The following SAMTOR variants were observed in gnomAD, a reference collection of about 807,000 sequenced individuals.
SAMTOR encodes UPF0532 protein C7orf60.
At chr7:112,924,918 CA>C in the SAMTOR span, among the ~76,000 whole-genome samples, 2 of 151,396 alleles carry the variant, frequency 1.3e-5, no homozygotes, top group Non-Finnish European at 2.9e-5. Flanking sequence ...ATTCATAAAA[CA>C]CAAGTCCAAG....
the SAMTOR span, among the ~76,000 whole-genome samples, chr7:112,908,195 T>C: frequency 6.6e-5 from 10 of 152,312 alleles, no homozygotes; most frequent in African/African-American, 1.4e-4. Context: ...AACATTTACA[T>C]TGGTAGACTA....
chr7:112,844,339 C>G, the SAMTOR span, among the ~76,000 whole-genome samples: 1 of 151,924 alleles, frequency 6.6e-6, no homozygotes, highest in African/African-American at 2.4e-5. Context: ...TCAAACCATC[C>G]CTATTTGCTG....
chr7:112,933,249 G>A, the SAMTOR span, among the ~76,000 whole-genome samples: 1 of 152,196 alleles, frequency 6.6e-6, no homozygotes, highest in Non-Finnish European at 1.5e-5. Flanking sequence ...ATCGTCAAAT[G>A]TGAACAATGT....
the SAMTOR span, among the ~76,000 whole-genome samples, chr7:112,850,218 C>A: frequency 2.1e-3 from 302 of 145,706 alleles, no homozygotes; most frequent in African/African-American, 7.1e-3. Flanking sequence ...ACAACAACAA[C>A]AAAAAAAACC....
the SAMTOR span, among the ~76,000 whole-genome samples, chr7:112,926,601 G>C: frequency 1.3e-5 from 2 of 152,184 alleles, no homozygotes; most frequent in Non-Finnish European, 2.9e-5. Flanking sequence ...ACTGAAAATT[G>C]ATGTGATTCA....
At chr7:112,873,514 G>A in the SAMTOR span, among the ~76,000 whole-genome samples, 1 of 152,134 alleles carries the variant, frequency 6.6e-6, no homozygotes, top group African/African-American at 2.4e-5. Flanking sequence ...CTACCCACAT[G>A]CAGAAGAATG....
the SAMTOR span, among the ~76,000 whole-genome samples, chr7:112,855,262 T>C: frequency 6.6e-6 from 1 of 152,224 alleles, no homozygotes. Flanking sequence ...TGGAAATATA[T>C]ACTATGAATG....
At chr7:112,847,719 G>A in the SAMTOR span, among the ~76,000 whole-genome samples, 8 of 151,864 alleles carry the variant, frequency 5.3e-5, no homozygotes, top group East Asian at 1.9e-4. Flanking sequence ...CGGAGGTTGC[G>A]GTGAGCCAAG....
the SAMTOR span, among the ~76,000 whole-genome samples, chr7:112,855,414 T>C: frequency 2.0e-5 from 3 of 152,184 alleles, no homozygotes; most frequent in Non-Finnish European, 4.4e-5. Flanking sequence ...TTTTAGACTC[T>C]AATAAAGCTG....
chr7:112,930,864 C>G, the SAMTOR span, among the ~76,000 whole-genome samples: 2 of 152,136 alleles, frequency 1.3e-5, no homozygotes, highest in African/African-American at 4.8e-5. Context: ...ACACAACAAA[C>G]CTGGTAGTCA....
the SAMTOR span, among the ~76,000 whole-genome samples, chr7:112,849,039 A>G: frequency 1.4e-5 from 2 of 140,232 alleles, no homozygotes; most frequent in African/African-American, 5.9e-5. Context: ...ACAGAGCAAG[A>G]CTCCATCTAA....
At chr7:112,842,397 C>T in the SAMTOR span, among the ~76,000 whole-genome samples, 12 of 151,956 alleles carry the variant, frequency 7.9e-5, no homozygotes, top group African/African-American at 2.7e-4. Context: ...TAAAAGCCAA[C>T]ACTCAAGTTT....
the SAMTOR span, among the ~76,000 whole-genome samples, chr7:112,917,443 T>C: frequency 1.3e-5 from 2 of 152,034 alleles, no homozygotes; most frequent in African/African-American, 2.4e-5. Flanking sequence ...CAAAAACCCA[T>C]CTGTACATCA....
the SAMTOR span, among the ~76,000 whole-genome samples, chr7:112,865,113 A>G: frequency 6.6e-6 from 1 of 152,200 alleles, no homozygotes; most frequent in Admixed American, 6.5e-5. Context: ...ATCTTTGGTT[A>G]GATTTAAAAT....
At chr7:112,893,355 C>G in the SAMTOR span, among the ~76,000 whole-genome samples, 2 of 152,232 alleles carry the variant, frequency 1.3e-5, no homozygotes, top group Non-Finnish European at 2.9e-5. Flanking sequence ...GCTTCTAAAT[C>G]ATCACTTGCT....
the SAMTOR span, among the ~76,000 whole-genome samples, chr7:112,848,947 G>A: frequency 6.6e-6 from 1 of 151,930 alleles, no homozygotes; most frequent in Non-Finnish European, 1.5e-5. Flanking sequence ...TACTCGGGAT[G>A]CTGAGGCAAG....
the SAMTOR span, among the ~76,000 whole-genome samples, chr7:112,924,344 A>G: frequency 1.3e-5 from 2 of 152,176 alleles, no homozygotes. Context: ...TCCAAATGTA[A>G]CAACCAATAT....
At chr7:112,881,360 A>C in the SAMTOR span, among the ~76,000 whole-genome samples, 1 of 151,996 alleles carries the variant, frequency 6.6e-6, no homozygotes, top group Non-Finnish European at 1.5e-5. Context: ...TGAAGACTCA[A>C]CTCAGCCAGG....
chr7:112,931,191 G>A, the SAMTOR span, among the ~76,000 whole-genome samples: 1 of 152,092 alleles, frequency 6.6e-6, no homozygotes, highest in African/African-American at 2.4e-5. Context: ...TGAATCCAAC[G>A]TGTAGCTATG....
Sources: allele counts gnomAD v4.1 joint callset (sites outside exome capture counted in the v4.1 genomes callset), GRCh38; gene constraint gnomAD v4.1.1; transcripts MANE v1.5; gene names NCBI Gene and HGNC (gene_info 2026-07-23, HGNC 2026-07-21).